DYSF: variants seen among roughly 807,000 people sequenced by gnomAD.
DYSF encodes dysferlin.
Under a neutral mutation model 274.9 loss-of-function variants are expected in DYSF, and 212 were observed. That is an observed-to-expected ratio of 0.77 (90% confidence interval 0.69 to 0.86). The LOEUF (loss-of-function observed/expected upper bound fraction) is 0.86, where lower values mean the gene tolerates loss of function less well. DYSF is among the 40% of genes least tolerant of loss of function. The pLI is 0.00. For missense variants in DYSF, 2,666 were observed against 2,783.2 expected (o/e 0.96, Z 0.95); for synonymous variants, 1,091 against 1,078.7 (o/e 1.01, Z -0.22).
intron 30 of DYSF, 72 bp downstream of exon 30, chr2:71,574,443 T>C: frequency 6.4e-7 from 1 of 1,560,370 alleles, no homozygotes; most frequent in East Asian, 2.3e-5. Context: ...CGGGCTGATG[T>C]GGGAGAGGCA....
chr2:71,518,189 T>C (rs1477901260), intron 10 of DYSF, among the ~76,000 whole-genome samples: 1 of 151,878 alleles, frequency 6.6e-6, no homozygotes, highest in East Asian at 1.9e-4. Context: ...CGAGAGCCAA[T>C]GGATTTAACA....
chr2:71,604,793 C>A (rs897648470), intron 36 of DYSF, among the ~76,000 whole-genome samples: 2 of 152,210 alleles, frequency 1.3e-5, no homozygotes, highest in Non-Finnish European at 1.5e-5. Flanking sequence ...CTGCCCTTGT[C>A]GAAGGCTCCC....
intron 30 of DYSF, among the ~76,000 whole-genome samples, chr2:71,578,826 C>T (rs2092795483): frequency 6.6e-6 from 1 of 152,224 alleles, no homozygotes; most frequent in Admixed American, 6.5e-5. Context: ...CCTGTCTGCT[C>T]ATTAGCACGG....
chr2:71,502,026 A>G (rs1320731281), intron 3 of DYSF, among the ~76,000 whole-genome samples: 1 of 151,858 alleles, frequency 6.6e-6, no homozygotes, highest in Non-Finnish European at 1.5e-5. Context: ...ATGCACAAGC[A>G]TTCCAGTTTC....
At position 71,539,140 on chromosome 2, in the gene DYSF, C is replaced by A. The variant is rs755229225; in HGVS notation, c.1494-17C>A. 6.2e-7 allele frequency: 1 copy of A among 1,612,688 alleles called. No homozygotes were observed. The highest frequency in any genetic ancestry group is 1.1e-5 in the South Asian group (1 of 91,054). ...TTCCTTTCCTGTGTTCAGGCCCTCT[C>A]TGCTCCCTTGCTCTAGGGACCGCCT... On this transcript the variant is annotated splice_polypyrimidine_tract_variant and intron_variant, in intron 16 of 55. Transcript: ENST00000410020.
chr2:71,670,940 C>T (rs2095108724), intron 51 of DYSF, among the ~76,000 whole-genome samples: 1 of 152,188 alleles, frequency 6.6e-6, no homozygotes, highest in African/African-American at 2.4e-5. Context: ...CTAGATTCTG[C>T]TGGCCCGATT....
chr2:71,567,630 G>A (rs1056270637), intron 24 of DYSF, among the ~76,000 whole-genome samples: 2 of 152,150 alleles, frequency 1.3e-5, no homozygotes, highest in African/African-American at 2.4e-5. Flanking sequence ...AAATGGAAGC[G>A]AGGCTGTGGT....
At chr2:71,475,560 G>A (rs972652754) in intron 1 of DYSF, among the ~76,000 whole-genome samples, 8 of 152,172 alleles carry the variant, frequency 5.3e-5, no homozygotes, top group South Asian at 4.1e-4. Flanking sequence ...AGAGACAACC[G>A]TGCTGGGTAT....
chr2:71,586,607 G>GGAGGCCCTGCCCTTGGACA (rs1181692580), intron 30 of DYSF, among the ~76,000 whole-genome samples: 1 of 152,136 alleles, frequency 6.6e-6, no homozygotes, highest in Non-Finnish European at 1.5e-5. Flanking sequence ...ATTGCAGGCA[G>GGAGGCCCTGCCCTTGGACA]GAGGCCCTGC....
rs1333070050 is a variant in DYSF, at chr2:71,539,219, C to A, written c.1556C>A (p.Ala519Asp). 1 of 1,613,990 alleles carries A rather than the reference C, an allele frequency of 6.2e-7. No individual in the cohort carries two copies. The highest frequency in any genetic ancestry group is 8.5e-7 in the Non-Finnish European group (1 of 1,179,992). ...TACCTGAGTATGTCGAAAATCTCTG[C>A]CCCTGGAGGAGAAATAGAAGGTATG... ...TTYLSMSKIS[A>D]PGGEIEVDDY... The change falls in exon 17 of 56, where the codon GCC becomes GAC. Residue 519 changes from alanine to aspartate, a missense_variant. Ala to Asp is a moderately radical substitution (Grantham distance 126). Coordinates refer to ENST00000410020, the MANE Select transcript of DYSF (RefSeq NM_001130987.2).
intron 24 of DYSF, among the ~76,000 whole-genome samples, chr2:71,566,630 G>T (rs912947741): frequency 2.6e-5 from 4 of 152,098 alleles, no homozygotes; most frequent in African/African-American, 9.7e-5. Flanking sequence ...ACAGGGGAGA[G>T]AGCCGGGGGT....
At chr2:71,511,682 T>C (rs973069557) in intron 4 of DYSF, 125 bp from the exon 5 acceptor site, 3 of 744,462 alleles carry the variant, frequency 4.0e-6, no homozygotes, top group East Asian at 2.7e-5. Flanking sequence ...CACAGCCTCC[T>C]GCAAACCTGG....
At chr2:71,546,506 A>G (rs2090487748) in intron 17 of DYSF, among the ~76,000 whole-genome samples, 1 of 152,206 alleles carries the variant, frequency 6.6e-6, no homozygotes, top group Admixed American at 6.5e-5. Flanking sequence ...GGCGCACTAG[A>G]GTGTTCCTTG....
intron 6 of DYSF, 80 bp from the exon 7 acceptor site, chr2:71,513,636 C>G: frequency 4.8e-6 from 7 of 1,447,930 alleles, no homozygotes; most frequent in Non-Finnish European, 6.7e-6. Flanking sequence ...GGATCTTCTG[C>G]CCCCTGGGCT....
chr2:71,620,566 G>T lies in DYSF; in HGVS notation c.4484G>T (p.Ser1495Ile), dbSNP rs890155865. Residue 1495 changes from serine (S) to isoleucine (I), a missense_variant, in exon 41 of 56, where the codon AGC becomes ATC. Physicochemically the swap from Ser to Ile is moderately radical, Grantham distance 142. This residue lies in a region of DYSF where 1,460 missense variants were observed against 1,502.1 expected (regional missense o/e 0.97). Coordinates refer to ENST00000410020, the MANE Select transcript of DYSF (RefSeq NM_001130987.2). The part of the protein sequence containing the change: ...IPIQLADGLS[S>I]LAPTNTASPP... ...TTGTAGCTTGCAGACGGTCTGTCGAGCTTGGCCCCCACTAACACGGCTTCT... is the reference window on the plus strand; with the variant it reads ...TTGTAGCTTGCAGACGGTCTGTCGATCTTGGCCCCCACTAACACGGCTTCT... The T allele has an allele frequency of 3.9e-6, 6 of 1,551,666 alleles. No individual in the cohort carries two copies. The highest frequency in any genetic ancestry group is 5.2e-6 in the Non-Finnish European group (6 of 1,147,000).
In DYSF at chr2:71,585,308, T is replaced by C. The variant is rs79210481; in HGVS notation, c.3403-4285T>C. On this transcript the variant is annotated intron_variant, in intron 30 of 55. Transcript: ENST00000410020. ...GCTTGTGAGGCTATGCGTGTTAGAA[T>C]GCAATTTTCAACAGGTCGGGCAGGG... is the stretch of plus-strand genomic sequence containing the variant. Among the ~76,000 whole-genome samples, 589 of 152,316 alleles carry C rather than the reference T, an allele frequency of 3.9e-3. 6 individuals carry two copies. Among genetic ancestry groups the C allele is most frequent in the African/African-American group, 0.012 (513 of 41,570 alleles).
chr2:71,574,134 G>T (rs958636482), intron 29 of DYSF, 64 bp from the exon 30 acceptor site: 3 of 1,585,220 alleles, frequency 1.9e-6, no homozygotes, highest in African/African-American at 2.7e-5. Flanking sequence ...CAAAGGTGGA[G>T]CCGAGCACAG....
intron 31 of DYSF, 141 bp downstream of exon 31, chr2:71,589,827 GTGTA>G: frequency 2.4e-6 from 2 of 832,888 alleles, no homozygotes; most frequent in Non-Finnish European, 2.1e-6. Context: ...TCAGTGCTGT[GTGTA>G]TGTGTGTGTG....
At chr2:71,453,562 T>G (rs1158266592) in exon 1 of DYSF, among the ~76,000 whole-genome samples, 1 of 152,184 alleles carries the variant, frequency 6.6e-6, no homozygotes, top group Non-Finnish European at 1.5e-5. Context: ...CTTTCTCCTG[T>G]CCAAGAGCGA....
Sources: allele counts gnomAD v4.1 joint callset (sites outside exome capture counted in the v4.1 genomes callset), GRCh38; gene constraint gnomAD v4.1.1; regional missense constraint gnomAD v4.1.1; transcripts MANE v1.5; gene names NCBI Gene and HGNC (gene_info 2026-07-23, HGNC 2026-07-21).